Variants in RPS6KA5 observed in about 807,000 individuals in gnomAD.
RPS6KA5 encodes the protein ribosomal protein S6 kinase alpha-5.
In RPS6KA5, 27 loss-of-function variants were observed where a neutral mutation model predicts 85.5. The ratio of observed to expected loss-of-function variants is 0.32; its 90% CI spans 0.23 to 0.44. The LOEUF (loss-of-function observed/expected upper bound fraction) is 0.44. Ranked by LOEUF, RPS6KA5 falls within the 20% of genes least tolerant of loss-of-function variation. The pLI, the probability that RPS6KA5 is intolerant of heterozygous loss-of-function variation, is 1.00. For missense variants in RPS6KA5, 811 were observed against 980.9 expected (o/e 0.83, Z 2.31); for synonymous variants, 334 against 348.2 (o/e 0.96, Z 0.46).
Position 90,851,431 on chromosome 14 carries a change from T to C in RPS6KA5, c.*20643A>G, listed in dbSNP as rs373166305. ...CCATCTTTGGAATCAGTGTACCTTA[T>C]GGATTTTTTTAATCCTCTTTAATCG... On this transcript the variant is annotated 3_prime_UTR_variant, in exon 17 of 17. Transcript: ENST00000614987. The C allele has an allele frequency of 5.9e-5, 9 of 152,360 alleles. No homozygotes were observed. The highest frequency in any genetic ancestry group is 5.8e-4 in the East Asian group (3 of 5,182). 9.4% of individuals were successfully genotyped at this position (152,360 alleles called of 1,614,324 possible). A position where few individuals can be genotyped will look rare whatever the true frequency, so the allele number is the denominator to read the frequency against.
chr14:90,899,282 A>C (rs778921180), intron 12 of RPS6KA5, 47 bp downstream of exon 12: 1 of 1,273,054 alleles, frequency 7.9e-7, no homozygotes, highest in Admixed American at 1.9e-5. Flanking sequence ...ACAACCCTGT[A>C]AGTGAATTAG....
chr14:90,898,008 T>A (rs1003211181), intron 12 of RPS6KA5, among the ~76,000 whole-genome samples: 2 of 152,188 alleles, frequency 1.3e-5, no homozygotes, highest in Non-Finnish European at 2.9e-5. Flanking sequence ...GAGTCCTTGC[T>A]TCAGTGGCAT....
At chr14:90,992,633 T>C (rs1163215147) in intron 2 of RPS6KA5, among the ~76,000 whole-genome samples, 1 of 152,228 alleles carries the variant, frequency 6.6e-6, no homozygotes, top group African/African-American at 2.4e-5. Flanking sequence ...ACTCATACAA[T>C]GAGTTGGAGG....
In RPS6KA5 at chr14:90,868,901, TAAA is replaced by T. The variant is rs1005151567; in HGVS notation, c.*3170_*3172del. 6.6e-6 allele frequency: 1 copy of T among 152,158 alleles called. No individual in the cohort carries two copies. The highest frequency in any genetic ancestry group is 2.4e-5 in the African/African-American group (1 of 41,446). The allele number at this position is 152,158 out of a possible 1,614,324, so 9.4% of individuals were successfully genotyped here. ...CATACTTAAGAAATCAACAGTAATC[TAAA>T]AAAATTAAAAGGCAGTTTTCTTGGG... On this transcript the variant is annotated 3_prime_UTR_variant, in exon 17 of 17. Coordinates refer to ENST00000614987, the MANE Select transcript of RPS6KA5 (RefSeq NM_004755.4).
Position 90,904,579 on chromosome 14 carries a change from G to A in RPS6KA5, c.957+1570C>T, listed in dbSNP as rs536435922. On this transcript the variant is annotated intron_variant, in intron 8 of 16. Transcript: ENST00000614987. ...TTTCCATTATAAGCACATAACTTGT[G>A]CTTGGCCATTGTATATATATTAAAA... 5.3e-5 allele frequency among the ~76,000 whole-genome samples: 8 copies of A among 152,206 alleles called. No individual in the cohort carries two copies. The South Asian group carries it at 1.7e-3, about 32-fold the overall frequency.
At chr14:91,009,265 C>T (rs1423553145) in intron 1 of RPS6KA5, among the ~76,000 whole-genome samples, 1 of 152,190 alleles carries the variant, frequency 6.6e-6, no homozygotes, top group African/African-American at 2.4e-5. Flanking sequence ...GAGGCTAGAG[C>T]GAGCCTGCTG....
rs1470458214 is a variant in RPS6KA5, at chr14:90,860,753, G to A, written c.*11321C>T. On this transcript the variant is annotated 3_prime_UTR_variant, in exon 17 of 17. Transcript: ENST00000614987. The stretch of plus-strand genomic sequence containing the variant: ...AAGCTGAGAGAATTCATTGTCAGAA[G>A]ACTGGCACTAAAATAAATACTAAAG... 6.6e-6 allele frequency: 1 copy of A among 152,042 alleles called. No homozygotes were observed. The highest frequency in any genetic ancestry group is 1.5e-5 in the Non-Finnish European group (1 of 68,024). 9.4% of individuals were successfully genotyped at this position (152,042 alleles called of 1,614,324 possible). A position where few individuals can be genotyped will look rare whatever the true frequency, so the allele number is the denominator to read the frequency against.
At chr14:90,940,450 C>T (rs1215900149) in intron 5 of RPS6KA5, among the ~76,000 whole-genome samples, 1 of 152,154 alleles carries the variant, frequency 6.6e-6, no homozygotes, top group Non-Finnish European at 1.5e-5. Context: ...TTCAGTCACA[C>T]AGCATTTCTG....
intron 5 of RPS6KA5, among the ~76,000 whole-genome samples, chr14:90,939,136 T>C (rs970697310): frequency 2.6e-5 from 4 of 152,228 alleles, no homozygotes; most frequent in Admixed American, 2.6e-4. Flanking sequence ...TCTCTCAAGT[T>C]CAAAGTTCCA....
At chr14:91,060,294 C>G in intron 1 of RPS6KA5, 38 bp downstream of exon 1, 1 of 1,186,464 alleles carries the variant, frequency 8.4e-7, no homozygotes, top group Non-Finnish European at 1.0e-6. Context: ...GGCGCGCCCC[C>G]GCGCCGGGCC....
In RPS6KA5 at chr14:90,862,093, A is replaced by C. The variant is rs893756926; in HGVS notation, c.*9981T>G. ...GACAAAAGAAAATATTTGGTTTATC[A>C]AAAGAAGACACAATACAGGAACCAA... On this transcript the variant is annotated 3_prime_UTR_variant, in exon 17 of 17. Transcript: ENST00000614987. 1.3e-5 allele frequency: 2 copies of C among 152,210 alleles called. No individual in the cohort carries two copies. The highest frequency in any genetic ancestry group is 2.1e-4 in the South Asian group (1 of 4,834). The allele number at this position is 152,210 out of a possible 1,614,324, so 9.4% of individuals were successfully genotyped here.
chr14:90,978,227 C>T, intron 3 of RPS6KA5, 79 bp downstream of exon 3: 1 of 1,029,972 alleles, frequency 9.7e-7, no homozygotes, highest in South Asian at 1.7e-5. Context: ...TCCATAGTAT[C>T]TTGCCCTTTA....
At chr14:91,050,916 A>C (rs1294022771) in intron 1 of RPS6KA5, among the ~76,000 whole-genome samples, 2 of 152,144 alleles carry the variant, frequency 1.3e-5, no homozygotes, top group Non-Finnish European at 2.9e-5. Context: ...CCTTTGGTAA[A>C]ACAGGATGAT....
chr14:91,027,111 T>A (rs1222558205), intron 1 of RPS6KA5, among the ~76,000 whole-genome samples: 7 of 152,204 alleles, frequency 4.6e-5, no homozygotes, highest in Non-Finnish European at 8.8e-5. Flanking sequence ...TGTGCAGAAA[T>A]TCTGTAGTTT....
chr14:91,039,796 C>T (rs190629273), intron 1 of RPS6KA5, among the ~76,000 whole-genome samples: 8 of 152,274 alleles, frequency 5.3e-5, no homozygotes, highest in South Asian at 2.1e-4. Context: ...GATGAGGTTG[C>T]GCACCACAGG....
chr14:90,942,152 G>A (rs999149560), intron 5 of RPS6KA5, among the ~76,000 whole-genome samples: 2 of 152,078 alleles, frequency 1.3e-5, no homozygotes, highest in African/African-American at 4.8e-5. Context: ...GAATATAGAT[G>A]CGATTAAAAA....
chr14:90,943,799 G>A (rs958684125), intron 4 of RPS6KA5, among the ~76,000 whole-genome samples: 1 of 151,972 alleles, frequency 6.6e-6, no homozygotes, highest in Non-Finnish European at 1.5e-5. Context: ...TAAACATAAA[G>A]GTTGAAGATC....
At chr14:91,016,100 G>A (rs548299995) in intron 1 of RPS6KA5, among the ~76,000 whole-genome samples, 15 of 152,298 alleles carry the variant, frequency 9.8e-5, no homozygotes, top group African/African-American at 3.6e-4. Flanking sequence ...CATGAAGTGT[G>A]TAACCCACTC....
chr14:90,941,619 T>C lies in RPS6KA5; in HGVS notation c.618+1459A>G, dbSNP rs558520538. ...GCAGAGATAGGATCTGGGGGTTACC[T>C]GTTTCTTACACAGACTTTCAATCAA... is the stretch of plus-strand genomic sequence containing the variant. On this transcript the variant is annotated intron_variant, in intron 5 of 16. Coordinates refer to ENST00000614987, the MANE Select transcript of RPS6KA5 (RefSeq NM_004755.4). Among the ~76,000 whole-genome samples the C allele has an allele frequency of 9.2e-5, 14 of 152,358 alleles. No homozygotes were observed. The South Asian group carries it at 1.9e-3, about 20-fold the overall frequency.
Sources: allele counts gnomAD v4.1 joint callset (sites outside exome capture counted in the v4.1 genomes callset), GRCh38; gene constraint gnomAD v4.1.1; transcripts MANE v1.5; gene names NCBI Gene and HGNC (gene_info 2026-07-23, HGNC 2026-07-21).